The following SLCO5A1 variants were observed in gnomAD, a reference collection of about 807,000 sequenced individuals.
The protein encoded by SLCO5A1 is solute carrier organic anion transporter family member 5A1.
SLCO5A1 carries 39 observed loss-of-function variants against 65.1 expected under a neutral mutation model. That is an observed-to-expected ratio of 0.60 (90% confidence interval 0.46 to 0.78). The LOEUF is 0.78. SLCO5A1 is among the 30% of genes least tolerant of loss of function. The pLI, the probability that SLCO5A1 is intolerant of heterozygous loss-of-function variation, is 0.00. For missense variants in SLCO5A1, 1,029 were observed against 1,069.4 expected, an observed-to-expected ratio of 0.96 and a Z score of 0.53; for synonymous variants, 438 against 415.7, an observed-to-expected ratio of 1.05 and a Z score of -0.65.
intron 4 of SLCO5A1, among the ~76,000 whole-genome samples, chr8:69,754,004 C>CAAAAAAAAAA (rs71556780): frequency 1.4e-5 from 1 of 73,484 alleles, no homozygotes. Flanking sequence ...TGACCTATCT[C>CAAAAAAAAAA]AAAAAAAAAA....
chr8:69,789,979 G>T (rs1586802737), intron 2 of SLCO5A1, among the ~76,000 whole-genome samples: 1 of 151,930 alleles, frequency 6.6e-6, no homozygotes, highest in Non-Finnish European at 1.5e-5. Flanking sequence ...GATCACCTGA[G>T]ATCAGGAGTT....
chr8:69,770,654 C>A (rs1330316146), intron 2 of SLCO5A1, among the ~76,000 whole-genome samples: 1 of 152,110 alleles, frequency 6.6e-6, no homozygotes, highest in Admixed American at 6.5e-5. Flanking sequence ...AAAGCCAGCT[C>A]TCCATCTCAC....
intron 2 of SLCO5A1, among the ~76,000 whole-genome samples, chr8:69,773,267 T>A (rs1225640706): frequency 6.6e-6 from 1 of 152,180 alleles, no homozygotes; most frequent in African/African-American, 2.4e-5. Flanking sequence ...AGTACAGAAC[T>A]GGCTCCCTCT....
chr8:69,774,894 A>G (rs557475805), intron 2 of SLCO5A1, among the ~76,000 whole-genome samples: 1 of 152,366 alleles, frequency 6.6e-6, no homozygotes, highest in South Asian at 2.1e-4. Context: ...TATTCCCTGA[A>G]AAATAGCCAA....
At chr8:69,738,717 TCA>T (rs1816673238) in intron 4 of SLCO5A1, among the ~76,000 whole-genome samples, 1 of 152,132 alleles carries the variant, frequency 6.6e-6, no homozygotes. Context: ...CAGGAAATAG[TCA>T]CAGTTTAAAA....
chr8:69,751,127 A>G (rs780565009), intron 4 of SLCO5A1, among the ~76,000 whole-genome samples: 3 of 152,238 alleles, frequency 2.0e-5, no homozygotes. Context: ...AGCTTCAAAG[A>G]TTAAAAAGTG....
chr8:69,800,442 G>A (rs1819685431), intron 2 of SLCO5A1, among the ~76,000 whole-genome samples: 2 of 151,704 alleles, frequency 1.3e-5, no homozygotes, highest in Non-Finnish European at 2.9e-5. Context: ...AGATAACAAT[G>A]GAACACATTC....
chr8:69,747,738 T>A (rs1817105116), intron 4 of SLCO5A1, among the ~76,000 whole-genome samples: 1 of 152,172 alleles, frequency 6.6e-6, no homozygotes, highest in Admixed American at 6.5e-5. Flanking sequence ...GCAGTTCCTG[T>A]CATTTTTATT....
intron 2 of SLCO5A1, among the ~76,000 whole-genome samples, chr8:69,793,126 T>G (rs550275072): frequency 6.6e-6 from 1 of 152,000 alleles, no homozygotes; most frequent in South Asian, 2.1e-4. Flanking sequence ...GGACTACAGG[T>G]GCACACCACC....
chr8:69,679,427 T>C lies in SLCO5A1; in HGVS notation c.1975A>G (p.Thr659Ala), dbSNP rs199673979. The C allele has an allele frequency of 1.9e-6, 3 of 1,614,030 alleles. No homozygotes were observed. The highest frequency in any genetic ancestry group is 2.5e-6 in the Non-Finnish European group (3 of 1,180,024). ...IPFLVFLFIV[T>A]FITACAQPSA... ...GGTTGGGCACATGCTGTGATGAAGGTGACTATGAAAAGAAAAACTAAGAAT... is the reference window on the plus strand; with the variant it reads ...GGTTGGGCACATGCTGTGATGAAGGCGACTATGAAAAGAAAAACTAAGAAT... The change falls in exon 8 of 10, where the codon ACC becomes GCC. Residue 659 changes from threonine (T) to alanine (A), a missense_variant. By Grantham distance (58) the Thr-to-Ala change is moderately conservative. Around this residue, in one of 3 missense-constraint regions of SLCO5A1, gnomAD observed 258 missense variants for 237.4 expected, o/e 1.09. Transcript: ENST00000260126.
At chr8:69,806,263 A>G (rs1359065990) in intron 2 of SLCO5A1, among the ~76,000 whole-genome samples, 1 of 152,172 alleles carries the variant, frequency 6.6e-6, no homozygotes, top group Non-Finnish European at 1.5e-5. Flanking sequence ...CCTCTTAATG[A>G]TCTTCCTATT....
Position 69,673,244 on chromosome 8 carries a change from A to T in SLCO5A1, c.2172T>A (p.Gly724=). ...ACGTCACGTTGTACTCCCAGCAAGA[A>T]CCCTGCACACCACATTCCTGTTGCC... ...MLWQQECGVQ[G]SCWEYNVTSF... The change falls in exon 10 of 10, where the codon GGT becomes GGA. Residue 724 remains glycine (G), a synonymous_variant. Transcript: ENST00000260126. 1 of 1,614,158 alleles carries T rather than the reference A, an allele frequency of 6.2e-7. No individual in the cohort carries two copies. The highest frequency in any genetic ancestry group is 8.5e-7 in the Non-Finnish European group (1 of 1,180,026).
At chr8:69,739,579 C>T (rs1816710229) in intron 4 of SLCO5A1, among the ~76,000 whole-genome samples, 1 of 152,048 alleles carries the variant, frequency 6.6e-6, no homozygotes, top group Non-Finnish European at 1.5e-5. Context: ...TGTATTAAAG[C>T]TATAATTCAT....
At chr8:69,721,188 A>G (rs73283437) in intron 5 of SLCO5A1, among the ~76,000 whole-genome samples, 2,190 of 32,888 alleles carry the variant, frequency 0.067, 58 homozygotes, top group African/African-American at 0.18. Flanking sequence ...CTGGACTGCC[A>G]CTTTGGACTA....
At chr8:69,779,848 A>G (rs1818723853) in intron 2 of SLCO5A1, among the ~76,000 whole-genome samples, 1 of 152,174 alleles carries the variant, frequency 6.6e-6, no homozygotes, top group Non-Finnish European at 1.5e-5. Context: ...CAAAAGAGAG[A>G]GTCAACAGAG....
chr8:69,826,877 G>A (rs1437857699), intron 2 of SLCO5A1, among the ~76,000 whole-genome samples: 3 of 152,042 alleles, frequency 2.0e-5, no homozygotes, highest in Non-Finnish European at 4.4e-5. Context: ...ATTCACAATA[G>A]CAAAGACTTG....
chr8:69,747,767 C>G (rs780072153), intron 4 of SLCO5A1, among the ~76,000 whole-genome samples: 2 of 152,074 alleles, frequency 1.3e-5, no homozygotes, highest in African/African-American at 2.4e-5. Context: ...CCTTCTGGTG[C>G]GTCAAAAAGC....
At chr8:69,828,262 ATTTTTT>A (rs138592070) in intron 2 of SLCO5A1, among the ~76,000 whole-genome samples, 9 of 139,666 alleles carry the variant, frequency 6.4e-5, no homozygotes, top group African/African-American at 2.0e-4. Context: ...CGCATTCATC[ATTTTTT>A]TTTTTTTTAA....
At chr8:69,684,031 A>T (rs1188834917) in intron 6 of SLCO5A1, among the ~76,000 whole-genome samples, 3 of 152,232 alleles carry the variant, frequency 2.0e-5, no homozygotes, top group Non-Finnish European at 4.4e-5. Context: ...AAACAATATT[A>T]AAGTCTTATC....
Sources: allele counts gnomAD v4.1 joint callset (sites outside exome capture counted in the v4.1 genomes callset), GRCh38; gene constraint gnomAD v4.1.1; regional missense constraint gnomAD v4.1.1; transcripts MANE v1.5; gene names NCBI Gene and HGNC (gene_info 2026-07-23, HGNC 2026-07-21).